Variants in NGF observed in about 807,000 individuals in gnomAD.
NGF encodes beta-nerve growth factor.
NGF carries 4 observed loss-of-function variants against 12.8 expected under a neutral mutation model. The ratio of observed to expected loss-of-function variants is 0.31; its 90% CI spans 0.15 to 0.72. The LOEUF is 0.72. Among genes scored for constraint, NGF ranks in the 30% least tolerant of loss-of-function variants. The pLI, the probability that NGF is intolerant of heterozygous loss-of-function variation, is 0.69. For missense variants in NGF, 283 were observed against 330.8 expected (o/e 0.86, Z 1.12); for synonymous variants, 140 against 130.0 (o/e 1.08, Z -0.52).
intron 1 of NGF, among the ~76,000 whole-genome samples, chr1:115,337,182 T>G (rs950902294): frequency 6.6e-6 from 1 of 150,996 alleles, no homozygotes; most frequent in Non-Finnish European, 1.5e-5. Flanking sequence ...GGCTCTTTTT[T>G]AATCTCTCAA....
chr1:115,303,989 G>A (rs1654122870), intron 1 of NGF, among the ~76,000 whole-genome samples: 1 of 151,850 alleles, frequency 6.6e-6, no homozygotes, highest in Non-Finnish European at 1.5e-5. Flanking sequence ...CTCATTCTGG[G>A]GCTGTTTTTT....
At chr1:115,329,516 T>C (rs1212504659) in intron 1 of NGF, among the ~76,000 whole-genome samples, 3 of 152,220 alleles carry the variant, frequency 2.0e-5, no homozygotes, top group East Asian at 1.9e-4. Context: ...CTATGACTTA[T>C]AGTAAAAAAA....
intron 1 of NGF, among the ~76,000 whole-genome samples, chr1:115,333,302 T>C (rs553476907): frequency 1.8e-3 from 274 of 152,278 alleles, no homozygotes; most frequent in African/African-American, 6.1e-3. Flanking sequence ...AATTGCCCAA[T>C]GTGGAAGGGC....
At chr1:115,336,393 G>C (rs1364280233) in intron 1 of NGF, among the ~76,000 whole-genome samples, 1 of 152,194 alleles carries the variant, frequency 6.6e-6, no homozygotes, top group Non-Finnish European at 1.5e-5. Context: ...TGGGGAAAGA[G>C]TGGGGTAGGA....
intron 1 of NGF, among the ~76,000 whole-genome samples, chr1:115,332,225 C>T (rs1654942500): frequency 6.6e-6 from 1 of 152,164 alleles, no homozygotes; most frequent in African/African-American, 2.4e-5. Context: ...CATAACATTT[C>T]TGAAATAAGA....
At chr1:115,337,777 G>A (rs1020296942) in intron 1 of NGF, among the ~76,000 whole-genome samples, 1 of 151,992 alleles carries the variant, frequency 6.6e-6, no homozygotes, top group African/African-American at 2.4e-5. Context: ...CGCTCCCCCC[G>A]CGGTGCTGGC....
At chr1:115,300,591 G>A (rs1654005880) in intron 1 of NGF, among the ~76,000 whole-genome samples, 1 of 152,250 alleles carries the variant, frequency 6.6e-6, no homozygotes. Flanking sequence ...CCACTCTGGA[G>A]TGACAGCTGC....
chr1:115,288,551 C>T (rs996681251), intron 2 of NGF, among the ~76,000 whole-genome samples: 1 of 152,106 alleles, frequency 6.6e-6, no homozygotes, highest in African/African-American at 2.4e-5. Context: ...ATTGTCTCAC[C>T]CTGACTGTGA....
intron 1 of NGF, among the ~76,000 whole-genome samples, chr1:115,320,219 G>A (rs1654580307): frequency 6.6e-6 from 1 of 152,132 alleles, no homozygotes; most frequent in South Asian, 2.1e-4. Context: ...CAGGGGATAT[G>A]TTCCAAGACC....
intron 1 of NGF, among the ~76,000 whole-genome samples, chr1:115,319,530 G>A (rs966477943): frequency 3.9e-5 from 6 of 152,208 alleles, no homozygotes; most frequent in African/African-American, 1.4e-4. Context: ...AACAGACTTA[G>A]TAGAACTCAA....
intron 1 of NGF, among the ~76,000 whole-genome samples, chr1:115,321,846 C>A (rs961848926): frequency 1.7e-4 from 26 of 152,024 alleles, no homozygotes; most frequent in African/African-American, 6.3e-4. Flanking sequence ...AAACAGATGG[C>A]AAGCCCCTTA....
intron 1 of NGF, among the ~76,000 whole-genome samples, chr1:115,299,151 A>C (rs1192980714): frequency 1.3e-5 from 2 of 152,226 alleles, no homozygotes; most frequent in African/African-American, 4.8e-5. Flanking sequence ...CCAATAGGAA[A>C]ATAATACATC....
intron 1 of NGF, among the ~76,000 whole-genome samples, chr1:115,315,207 T>C (rs1654444837): frequency 6.6e-6 from 1 of 152,094 alleles, no homozygotes; most frequent in Non-Finnish European, 1.5e-5. Flanking sequence ...TGGGAAGCCA[T>C]TAGAAGATTT....
At chr1:115,298,903 T>A (rs1653953459) in intron 1 of NGF, among the ~76,000 whole-genome samples, 1 of 152,044 alleles carries the variant, frequency 6.6e-6, no homozygotes, top group Non-Finnish European at 1.5e-5. Flanking sequence ...GAAATAAGAA[T>A]AGTTGTTGGT....
chr1:115,317,120 A>T (rs1028005822), intron 1 of NGF, among the ~76,000 whole-genome samples: 1 of 152,284 alleles, frequency 6.6e-6, no homozygotes, highest in South Asian at 2.1e-4. Flanking sequence ...TAAAAAAAAA[A>T]AAAATGCAGT....
chr1:115,302,481 T>C (rs1212021478), intron 1 of NGF, among the ~76,000 whole-genome samples: 1 of 152,208 alleles, frequency 6.6e-6, no homozygotes, highest in Non-Finnish European at 1.5e-5. Flanking sequence ...AATCACCTCA[T>C]TGTTTAGTTA....
intron 1 of NGF, among the ~76,000 whole-genome samples, chr1:115,307,827 C>T (rs1654240941): frequency 6.6e-6 from 1 of 152,260 alleles, no homozygotes; most frequent in Admixed American, 6.5e-5. Flanking sequence ...CAAAGGCTCA[C>T]AGCATCTCCA....
At chr1:115,337,533 C>T (rs1442855336) in intron 1 of NGF, among the ~76,000 whole-genome samples, 2 of 152,048 alleles carry the variant, frequency 1.3e-5, no homozygotes, top group East Asian at 1.9e-4. Flanking sequence ...CGACCTCTAC[C>T]TGAGGTTGTC....
chr1:115,290,841 T>TC (rs1653673720), intron 2 of NGF, among the ~76,000 whole-genome samples: 1 of 152,162 alleles, frequency 6.6e-6, no homozygotes, highest in African/African-American at 2.4e-5. Context: ...CCTAGGTAAC[T>TC]CCTCCTCTAA....
Sources: allele counts gnomAD v4.1 joint callset (sites outside exome capture counted in the v4.1 genomes callset), GRCh38; gene constraint gnomAD v4.1.1; transcripts MANE v1.5; gene names NCBI Gene and HGNC (gene_info 2026-07-23, HGNC 2026-07-21).